TJP3: variants seen among roughly 807,000 people sequenced by gnomAD.
TJP3 encodes tight junction protein 3, also known as tight junction protein ZO-3.
In TJP3, 85 loss-of-function variants were observed where a neutral mutation model predicts 104.2. That is an observed-to-expected ratio of 0.82 (90% confidence interval 0.68 to 0.98). The LOEUF (loss-of-function observed/expected upper bound fraction) is 0.98. Among genes scored for constraint, TJP3 ranks in the 50% least tolerant of loss-of-function variants. The pLI, the probability that TJP3 is intolerant of heterozygous loss-of-function variation, is 0.00. For synonymous variants in TJP3, 550 were observed against 550.6 expected (o/e 1.00, Z 0.02); for missense variants, 1,367 against 1,322.8 (o/e 1.03, Z -0.52).
intron 15 of TJP3, among the ~76,000 whole-genome samples, chr19:3,744,772 C>CA (rs2036864800): frequency 1.3e-5 from 2 of 149,356 alleles, no homozygotes; most frequent in African/African-American, 4.9e-5. Flanking sequence ...ACTAAAAACA[C>CA]AAAAAATTAG....
rs543186677 is a variant in TJP3 at position 3,746,882 on chromosome 19, G to T, written c.2322+6G>T. On this transcript the variant is annotated splice_donor_region_variant and intron_variant, in intron 18 of 20. Coordinates refer to ENST00000541714, the MANE Select transcript of TJP3 (RefSeq NM_001267560.2). This position sits in a 1 kb window ranked among gnomAD's most constrained non-coding sequence, Gnocchi z 4.1. Reference sequence around the variant, plus strand: ...TCTGGACGGCGGAAGATCAGGTACTGCCGCGGTGTGGGTGGGTCGGGCAGG... The same window carrying T: ...TCTGGACGGCGGAAGATCAGGTACTTCCGCGGTGTGGGTGGGTCGGGCAGG... 1 of 1,587,852 alleles carries T rather than the reference G, an allele frequency of 6.3e-7. No individual in the cohort carries two copies.
At chr19:3,721,933 C>G in intron 1 of TJP3, 1 of 1,200,042 alleles carries the variant, frequency 8.3e-7, no homozygotes. Flanking sequence ...CCAAGGGTGG[C>G]AGGGGGAGGG....
chr19:3,720,901 C>CTT (rs370206267), intron 1 of TJP3, among the ~76,000 whole-genome samples: 31,504 of 114,210 alleles, frequency 0.28, 5,317 homozygotes, highest in East Asian at 0.44. Flanking sequence ...CCTTCCTTTT[C>CTT]TTTTTTTTTT....
chr19:3,709,963 C>A (rs1287558703), intron 1 of TJP3, among the ~76,000 whole-genome samples: 1 of 152,042 alleles, frequency 6.6e-6, no homozygotes, highest in Non-Finnish European at 1.5e-5. Context: ...GCCTGGCCAA[C>A]ATGGTGGAAC....
chr19:3,744,123 G>A, intron 15 of TJP3, 89 bp downstream of exon 15: 1 of 1,233,422 alleles, frequency 8.1e-7, no homozygotes, highest in Non-Finnish European at 1.2e-6. Flanking sequence ...TTAGAATAAT[G>A]ATGGCAAACA....
rs1194505736 is a variant in TJP3 at position 3,733,828 on chromosome 19, A to G, written c.793A>G (p.Ser265Gly). 1.2e-6 allele frequency: 2 copies of G among 1,614,234 alleles called. No homozygotes were observed. ...RLIEKSEGKL[S>G]LLVLRDRGQF... ...GATTGAGAAGTCAGAAGGGAAGCTA[A>G]GCCTGCTGGTGCTGAGAGATCGTGG... Residue 265 changes from serine (S) to glycine (G), a missense_variant, in exon 7 of 21, where the codon AGC (serine) becomes GGC (glycine). Ser to Gly is a moderately conservative substitution (Grantham distance 56, BLOSUM62 0). Transcript: ENST00000541714.
In TJP3 at chr19:3,728,678, C is replaced by T. The variant is rs142661460; in HGVS notation, c.123C>T (p.Asp41=). 272 of 1,613,788 alleles carry T rather than the reference C, an allele frequency of 1.7e-4. 1 individual carries two copies. The highest frequency in any genetic ancestry group is 4.9e-4 in the East Asian group (22 of 44,886). The change falls in exon 3 of 21, where the codon GAC becomes GAT. Residue 41 remains aspartate, a synonymous_variant. Transcript: ENST00000541714. ...DRPGGSMVVS[D]VVPGGPAEGR... ...CCGGTGGATCCATGGTTGTATCTGA[C>T]GTGGTACCTGGAGGGCCGGCGGAGG...
intron 13 of TJP3, 23 bp downstream of exon 13, chr19:3,739,157 G>A (rs1346347054): frequency 2.0e-6 from 3 of 1,498,590 alleles, no homozygotes; most frequent in Non-Finnish European, 2.7e-6. Flanking sequence ...TGCTCCTGCA[G>A]TGGGGCACTT....
intron 11 of TJP3, 123 bp downstream of exon 11, chr19:3,736,444 A>G: frequency 4.0e-6 from 4 of 994,524 alleles, no homozygotes; most frequent in Non-Finnish European, 5.4e-6. Flanking sequence ...CCAGATGGGT[A>G]TTTGAACATT....
At chr19:3,729,697 G>A (rs542183766) in intron 3 of TJP3, among the ~76,000 whole-genome samples, 14 of 149,942 alleles carry the variant, frequency 9.3e-5, no homozygotes, top group African/African-American at 3.2e-4. Context: ...CAGAAGGATC[G>A]TTTGAAACGA....
intron 1 of TJP3, among the ~76,000 whole-genome samples, chr19:3,714,115 A>ATC (rs1191330179): frequency 1.3e-5 from 2 of 151,630 alleles, no homozygotes; most frequent in African/African-American, 2.4e-5. Context: ...CAGTGGCGCA[A>ATC]TCTTGGCTCA....
At chr19:3,742,203 A>G (rs8110776) in intron 14 of TJP3, among the ~76,000 whole-genome samples, 28,396 of 150,988 alleles carry the variant, frequency 0.19, 2,831 homozygotes, top group South Asian at 0.29. Context: ...GGAGGCCAAG[A>G]TGGGTGGGTC....
chr19:3,716,889 C>T (rs1255928960), intron 1 of TJP3, among the ~76,000 whole-genome samples: 1 of 141,952 alleles, frequency 7.0e-6, no homozygotes, highest in African/African-American at 2.5e-5. Context: ...CCCTCTGCCT[C>T]CCAGGTTCAA....
intron 1 of TJP3, chr19:3,721,677 G>C (rs1243937495): frequency 2.8e-6 from 1 of 354,012 alleles, no homozygotes; most frequent in African/African-American, 2.1e-5. Flanking sequence ...GCGTCCAGGG[G>C]GCGTGTCTGG....
rs770353202 is a variant in TJP3, at chr19:3,735,627, G to A, written c.1048G>A (p.Glu350Lys). The stretch of plus-strand genomic sequence containing the variant: ...TTCCAGAACCATCTCGGAACCAGAT[G>A]AGCAACGGTCAGGTGGGTGGTGACT... ...VDSRTISEPD[E>K]QRSELPRESS... Residue 350 changes from glutamate (E) to lysine (K), a missense_variant, in exon 9 of 21, where the codon GAG (glutamate) becomes AAG (lysine). Glu to Lys is a moderately conservative substitution (Grantham distance 56). Coordinates refer to ENST00000541714, the MANE Select transcript of TJP3 (RefSeq NM_001267560.2). 1.5e-5 allele frequency: 24 copies of A among 1,614,206 alleles called. No homozygotes were observed. The highest frequency in any genetic ancestry group is 1.9e-5 in the Non-Finnish European group (22 of 1,180,042).
At chr19:3,713,443 GAC>G (rs1367736602) in intron 1 of TJP3, among the ~76,000 whole-genome samples, 3 of 152,242 alleles carry the variant, frequency 2.0e-5, no homozygotes, top group Non-Finnish European at 2.9e-5. Flanking sequence ...GAACAGGAAA[GAC>G]AGAATCGGTC....
intron 1 of TJP3, among the ~76,000 whole-genome samples, chr19:3,726,600 T>G (rs922573731): frequency 4.0e-5 from 6 of 151,360 alleles, no homozygotes; most frequent in African/African-American, 1.2e-4. Flanking sequence ...TTTGTTTTTT[T>G]TTTTTCTAAG....
chr19:3,719,640 G>A (rs2036523994), intron 1 of TJP3, among the ~76,000 whole-genome samples: 1 of 151,266 alleles, frequency 6.6e-6, no homozygotes, highest in African/African-American at 2.4e-5. Flanking sequence ...GGAGGCTGAG[G>A]CAGGAGAATG....
intron 1 of TJP3, among the ~76,000 whole-genome samples, chr19:3,722,934 C>T (rs1489267389): frequency 7.0e-6 from 1 of 142,818 alleles, no homozygotes; most frequent in East Asian, 2.2e-4. Flanking sequence ...GGCCCCGTCC[C>T]CTCTGGGCGG....
Sources: gnomAD v4.1 joint callset for allele counts (sites outside exome capture counted in the v4.1 genomes callset) on GRCh38, gnomAD v4.1.1 for gene constraint, Gnocchi (gnomAD v3.1) non-coding constraint, MANE v1.5 for transcripts, NCBI Gene and HGNC (gene_info 2026-07-23, HGNC 2026-07-21) for gene names.